Variants in CELF2 observed in about 807,000 individuals in gnomAD.
CELF2 encodes CUGBP Elav-like family member 2.
Under a neutral mutation model 62.6 loss-of-function variants are expected in CELF2, and 8 were observed. That is an observed-to-expected ratio of 0.13 (90% CI 0.07 to 0.23). CELF2 has a LOEUF of 0.23. Ranked by LOEUF, CELF2 falls within the 10% of genes least tolerant of loss-of-function variation. The pLI is 1.00. For synonymous variants in CELF2, 258 were observed against 250.0 expected (o/e 1.03, Z -0.30); for missense variants, 333 against 671.0 (o/e 0.50, Z 5.56).
the CELF2 span, among the ~76,000 whole-genome samples, chr10:10,503,108 G>GT: frequency 2.0e-5 from 3 of 151,842 alleles, no homozygotes; most frequent in African/African-American, 7.2e-5. Context: ...CATGATTTCT[G>GT]TTTTTTACAT....
At chr10:10,748,380 T>A in the CELF2 span, among the ~76,000 whole-genome samples, 29,387 of 151,900 alleles carry the variant, frequency 0.19, 3,303 homozygotes, top group East Asian at 0.31. Context: ...TAAATAAAAT[T>A]AAATTTAAAA....
At chr10:10,686,400 T>A in the CELF2 span, among the ~76,000 whole-genome samples, 1 of 151,702 alleles carries the variant, frequency 6.6e-6, no homozygotes, top group Non-Finnish European at 1.5e-5. Context: ...CTGGGCAAAG[T>A]CCCCATTACA....
chr10:10,869,283 G>C (rs947653941), intron 1 of CELF2, among the ~76,000 whole-genome samples: 1 of 152,132 alleles, frequency 6.6e-6, no homozygotes, highest in African/African-American at 2.4e-5. Flanking sequence ...AAAATAACAG[G>C]TGGGGCGCGG....
In CELF2 at chr10:11,270,833, T is replaced by C; in HGVS notation, c.777+9T>C. The stretch of plus-strand genomic sequence containing the variant: ...CCCCACAGTATCTGGCGGTAAGTGC[T>C]GGGCAATGCCGGCGTGGTCTTCACC... On this transcript the variant is annotated intron_variant, in intron 7 of 12. Coordinates refer to ENST00000633077, the MANE Select transcript of CELF2 (RefSeq NM_001326342.2). The surrounding 1 kb of genome is among the most constrained non-coding windows in gnomAD (Gnocchi z 5.8). 7.3e-7 allele frequency: 1 copy of C among 1,372,408 alleles called. No homozygotes were observed. Among genetic ancestry groups the C allele is most frequent in the South Asian group, 2.0e-5 (1 of 51,140 alleles). 85.0% of individuals were successfully genotyped at this position (1,372,408 alleles called of 1,614,324 possible). A position where few individuals can be genotyped will look rare whatever the true frequency, so the allele number is the denominator to read the frequency against.
chr10:10,478,914 G>C, the CELF2 span, among the ~76,000 whole-genome samples: 1 of 152,162 alleles, frequency 6.6e-6, no homozygotes. Flanking sequence ...AAATTAATTG[G>C]TTTGGTTTGG....
At chr10:10,905,996 A>G (rs1416797564) in intron 1 of CELF2, among the ~76,000 whole-genome samples, 3 of 152,180 alleles carry the variant, frequency 2.0e-5, no homozygotes, top group African/African-American at 7.2e-5. Context: ...GCTTCAACCC[A>G]AGAGGCAAAA....
In CELF2 at chr10:11,257,658, G is replaced by C; in HGVS notation, c.404-80G>C. On this transcript the variant is annotated intron_variant, in intron 4 of 12. Coordinates refer to ENST00000633077, the MANE Select transcript of CELF2 (RefSeq NM_001326342.2). ...CTTGGTCTCACATGGCTGGGGCCTG[G>C]TTTGATGGGGTAATGAAGCATTGAT... 6 of 1,530,570 alleles carry C rather than the reference G, an allele frequency of 3.9e-6. No homozygotes were observed. The South Asian group carries it at 7.2e-5, about 18-fold the overall frequency. The allele number at this position is 1,530,570 out of a possible 1,614,324, so 94.8% of individuals were successfully genotyped here.
At position 10,931,447 on chromosome 10, in the gene CELF2, C is replaced by A. The variant is rs2066048345; in HGVS notation, c.89+11448C>A. Among the ~76,000 whole-genome samples, 1 of 152,076 alleles carries A rather than the reference C, an allele frequency of 6.6e-6. No individual in the cohort carries two copies. Among genetic ancestry groups the A allele is most frequent in the Admixed American group, 6.6e-5 (1 of 15,266 alleles). ...AAACTCATACTGGAAACATGATTAT[C>A]CAGTGAGTAAGTGGAAACTCTATTT... On this transcript the variant is annotated intron_variant, in intron 2 of 13. Coordinates refer to the CELF2 transcript ENST00000636488. This position sits in a 1 kb window ranked among gnomAD's most constrained non-coding sequence, Gnocchi z 6.1.
In CELF2 at chr10:11,089,431, T is replaced by G. The variant is rs1379544171; in HGVS notation, c.74+71268T>G. On this transcript the variant is annotated intron_variant, in intron 1 of 12. Coordinates refer to ENST00000633077, the MANE Select transcript of CELF2 (RefSeq NM_001326342.2). ...TTAAGAAAGGAGATAAAAGCAGAGA[T>G]AGTGGCCAGAGATAAGCGTAACTGC... Among the ~76,000 whole-genome samples, 3 of 152,114 alleles carry G rather than the reference T, an allele frequency of 2.0e-5. No individual in the cohort carries two copies. The East Asian group carries it at 5.8e-4, about 29-fold the overall frequency.
At chr10:10,568,741 A>C in the CELF2 span, among the ~76,000 whole-genome samples, 1 of 152,158 alleles carries the variant, frequency 6.6e-6, no homozygotes, top group Non-Finnish European at 1.5e-5. Flanking sequence ...TTAGTGAAAA[A>C]TGTGAGTGAG....
chr10:10,546,250 A>G, the CELF2 span, among the ~76,000 whole-genome samples: 4 of 152,202 alleles, frequency 2.6e-5, no homozygotes, highest in Admixed American at 6.5e-5. Flanking sequence ...ACAGTGCAGG[A>G]TAATGTGGCA....
intron 2 of CELF2, among the ~76,000 whole-genome samples, chr10:11,208,486 C>T (rs920107907): frequency 6.6e-6 from 1 of 152,236 alleles, no homozygotes; most frequent in South Asian, 2.1e-4. Flanking sequence ...CATGACGTAA[C>T]GCTAACAGAC....
At chr10:10,898,663 A>G (rs927745185) in intron 1 of CELF2, among the ~76,000 whole-genome samples, 1 of 152,240 alleles carries the variant, frequency 6.6e-6, no homozygotes, top group African/African-American at 2.4e-5. Context: ...CAAATCCACA[A>G]TAGTCAGAGT....
intron 2 of CELF2, among the ~76,000 whole-genome samples, chr10:10,942,097 T>A (rs1435804561): frequency 6.6e-6 from 1 of 152,198 alleles, no homozygotes; most frequent in African/African-American, 2.4e-5. Context: ...GTCTTCATTT[T>A]GATTTGGGCC....
chr10:11,026,526 G>A (rs2059237512), intron 1 of CELF2, among the ~76,000 whole-genome samples: 1 of 152,154 alleles, frequency 6.6e-6, no homozygotes, highest in Non-Finnish European at 1.5e-5. Context: ...AAGACAGAAA[G>A]CATTTGTTAG....
chr10:11,128,903 T>A (rs1372073391), intron 1 of CELF2, among the ~76,000 whole-genome samples: 1 of 152,204 alleles, frequency 6.6e-6, no homozygotes, highest in Non-Finnish European at 1.5e-5. Context: ...GGCCAGAACT[T>A]CCAACACTAT....
chr10:10,940,825 A>G (rs989766070), intron 2 of CELF2, among the ~76,000 whole-genome samples: 4 of 152,186 alleles, frequency 2.6e-5, no homozygotes, highest in Admixed American at 1.3e-4. Context: ...TTTTCCTTCC[A>G]AAAATATATA....
Position 11,311,797 on chromosome 10 carries a change from G to C in CELF2, c.977-2342G>C, listed in dbSNP as rs2094574527. ...AACCGAGAAACAGAATATGAGAGGT[G>C]AAGTGACATGGAATAGATCTAACTT... On this transcript the variant is annotated intron_variant, in intron 9 of 12. Transcript: ENST00000633077. The surrounding 1 kb of genome is among the most constrained non-coding windows in gnomAD (Gnocchi z 4.7). Among the ~76,000 whole-genome samples the C allele has an allele frequency of 6.6e-6, 1 of 152,086 alleles. No individual in the cohort carries two copies. Among genetic ancestry groups the C allele is most frequent in the African/African-American group, 2.4e-5 (1 of 41,388 alleles).
intron 1 of CELF2, among the ~76,000 whole-genome samples, chr10:11,121,224 T>A (rs1231938396): frequency 4.6e-5 from 7 of 152,158 alleles, no homozygotes; most frequent in Non-Finnish European, 1.0e-4. Context: ...TCCAATTACA[T>A]GGTTGATACA....
Sources: gnomAD v4.1 joint callset for allele counts (sites outside exome capture counted in the v4.1 genomes callset) on GRCh38, gnomAD v4.1.1 for gene constraint, Gnocchi (gnomAD v3.1) non-coding constraint, MANE v1.5 for transcripts, NCBI Gene and HGNC (gene_info 2026-07-23, HGNC 2026-07-21) for gene names.